SPIRE1: variants seen among roughly 807,000 people sequenced by gnomAD.
SPIRE1 encodes protein spire homolog 1.
Under a neutral mutation model 94.1 loss-of-function variants are expected in SPIRE1, and 40 were observed. The ratio of observed to expected loss-of-function variants is 0.43; its 90% confidence interval spans 0.33 to 0.55. The LOEUF is 0.55. SPIRE1 is among the 20% of genes least tolerant of loss of function. The pLI is 0.06. For missense variants in SPIRE1, 838 were observed against 975.2 expected (o/e 0.86, Z 1.87); for synonymous variants, 376 against 371.7 (o/e 1.01, Z -0.13).
intron 2 of SPIRE1, among the ~76,000 whole-genome samples, chr18:12,618,153 G>A (rs2037364113): frequency 6.6e-6 from 1 of 152,036 alleles, no homozygotes; most frequent in Non-Finnish European, 1.5e-5. Flanking sequence ...CCAGGCTGGA[G>A]TGCAGTGGTG....
At position 12,483,613 on chromosome 18, in the gene SPIRE1, T is replaced by C. The variant is rs560946446; in HGVS notation, c.1231+2346A>G. On this transcript the variant is annotated intron_variant, in intron 9 of 16. Transcript: ENST00000409402. ...CTGTATAGGAAAAATAAGTTATACT[T>C]ACCATAAGTGATGTTGAATAGGTTA... Among the ~76,000 whole-genome samples the C allele has an allele frequency of 3.9e-5, 6 of 152,316 alleles. No homozygotes were observed. The East Asian group carries it at 1.2e-3, about 29-fold the overall frequency.
chr18:12,478,167 A>G (rs1406591302), intron 10 of SPIRE1, among the ~76,000 whole-genome samples: 1 of 152,002 alleles, frequency 6.6e-6, no homozygotes, highest in Non-Finnish European at 1.5e-5. Flanking sequence ...AGAATTAAAG[A>G]ATAATTCCTC....
chr18:12,479,454 G>T (rs1046030644), intron 10 of SPIRE1, among the ~76,000 whole-genome samples: 1 of 152,048 alleles, frequency 6.6e-6, no homozygotes, highest in Non-Finnish European at 1.5e-5. Context: ...GATTATAGAC[G>T]TGAGCTAACA....
intron 6 of SPIRE1, among the ~76,000 whole-genome samples, chr18:12,504,632 C>T (rs1447039038): frequency 2.6e-5 from 4 of 152,138 alleles, no homozygotes; most frequent in South Asian, 4.1e-4. Context: ...ATTTAGTGAG[C>T]ACAGTATTCA....
At chr18:12,554,807 G>A (rs1458646287) in intron 2 of SPIRE1, among the ~76,000 whole-genome samples, 1 of 152,182 alleles carries the variant, frequency 6.6e-6, no homozygotes, top group East Asian at 1.9e-4. Flanking sequence ...CAACCAAGTT[G>A]TTGCATAGAG....
At chr18:12,610,977 C>T (rs1430883033) in intron 2 of SPIRE1, among the ~76,000 whole-genome samples, 2 of 150,312 alleles carry the variant, frequency 1.3e-5, no homozygotes, top group Non-Finnish European at 3.0e-5. Flanking sequence ...AAGCCGAGTC[C>T]CCATTCCTTT....
chr18:12,537,438 C>A (rs1314922741), intron 3 of SPIRE1, among the ~76,000 whole-genome samples: 1 of 152,164 alleles, frequency 6.6e-6, no homozygotes, highest in East Asian at 1.9e-4. Context: ...ATATTATACA[C>A]AAACACATGC....
chr18:12,504,775 A>C (rs1266299825), intron 6 of SPIRE1, among the ~76,000 whole-genome samples: 2 of 152,192 alleles, frequency 1.3e-5, no homozygotes, highest in African/African-American at 4.8e-5. Flanking sequence ...GTGAAACACG[A>C]GAGTAAAGAG....
intron 10 of SPIRE1, among the ~76,000 whole-genome samples, chr18:12,474,479 A>C (rs2032483315): frequency 6.6e-6 from 1 of 152,130 alleles, no homozygotes; most frequent in South Asian, 2.1e-4. Flanking sequence ...GCTGATTGAC[A>C]CTGTACTTCT....
intron 5 of SPIRE1, among the ~76,000 whole-genome samples, 182 bp downstream of exon 5, chr18:12,512,272 G>A (rs560315678): frequency 7.9e-5 from 12 of 152,176 alleles, no homozygotes; most frequent in Admixed American, 7.2e-4. Flanking sequence ...GCTGAGGCAG[G>A]AGAATCACTT....
At chr18:12,623,918 G>A (rs1032263032) in intron 2 of SPIRE1, among the ~76,000 whole-genome samples, 3 of 133,028 alleles carry the variant, frequency 2.3e-5, no homozygotes, top group Non-Finnish European at 4.8e-5. Context: ...GTAAGCCACT[G>A]CACTCGGCCT....
intron 3 of SPIRE1, among the ~76,000 whole-genome samples, chr18:12,542,016 GC>G: frequency 2.0e-5 from 3 of 150,770 alleles, no homozygotes; most frequent in Admixed American, 2.0e-4. Context: ...TCGCTCTGCT[GC>G]CCAGGCTGGA....
intron 7 of SPIRE1, among the ~76,000 whole-genome samples, chr18:12,495,100 A>G (rs972542988): frequency 6.6e-6 from 1 of 151,632 alleles, no homozygotes; most frequent in Non-Finnish European, 1.5e-5. Flanking sequence ...CCTTCTTTAA[A>G]AAAGATTTAT....
At chr18:12,516,855 C>T (rs1352046165) in intron 4 of SPIRE1, among the ~76,000 whole-genome samples, 3 of 152,192 alleles carry the variant, frequency 2.0e-5, no homozygotes, top group Non-Finnish European at 2.9e-5. Flanking sequence ...GAGGGTGTCA[C>T]TGTTAGGCCT....
At chr18:12,641,506 C>CT (rs963347282) in intron 1 of SPIRE1, among the ~76,000 whole-genome samples, 8 of 151,914 alleles carry the variant, frequency 5.3e-5, no homozygotes, top group African/African-American at 2.4e-5. Flanking sequence ...GTAGCTGGGA[C>CT]TACAGGCACA....
At chr18:12,495,509 G>A (rs775282733) in intron 7 of SPIRE1, among the ~76,000 whole-genome samples, 2 of 152,142 alleles carry the variant, frequency 1.3e-5, no homozygotes, top group African/African-American at 4.8e-5. Flanking sequence ...ACCAGATTTT[G>A]CACCATGACC....
chr18:12,509,547 T>C (rs1472835426), intron 5 of SPIRE1, among the ~76,000 whole-genome samples: 1 of 152,176 alleles, frequency 6.6e-6, no homozygotes, highest in Admixed American at 6.5e-5. Context: ...TAATACCAGC[T>C]TTTAAGACAA....
chr18:12,463,547 C>T, intron 11 of SPIRE1, 54 bp from the exon 12 acceptor site: 2 of 1,424,508 alleles, frequency 1.4e-6, no homozygotes. Context: ...TAACACAAAA[C>T]CTTTTGACAT....
intron 4 of SPIRE1, among the ~76,000 whole-genome samples, chr18:12,524,313 C>T (rs1290313707): frequency 6.6e-6 from 1 of 152,182 alleles, no homozygotes; most frequent in East Asian, 1.9e-4. Context: ...TTCATCCTCC[C>T]ATCCTAGGAT....
Sources: allele counts gnomAD v4.1 joint callset (sites outside exome capture counted in the v4.1 genomes callset), GRCh38; gene constraint gnomAD v4.1.1; transcripts MANE v1.5; gene names NCBI Gene and HGNC (gene_info 2026-07-23, HGNC 2026-07-21).